Variants in TENM2 observed in about 807,000 individuals in gnomAD.
The protein encoded by TENM2 is teneurin transmembrane protein 2.
TENM2 carries 52 observed loss-of-function variants against 245.2 expected under a neutral mutation model. The observed-to-expected ratio is 0.21, with a 90% CI of 0.17 to 0.27. The LOEUF (loss-of-function observed/expected upper bound fraction) is 0.27, where lower values mean the gene tolerates loss of function less well. Ranked by LOEUF, TENM2 falls within the 10% of genes least tolerant of loss-of-function variation. The pLI, the probability that TENM2 is intolerant of heterozygous loss-of-function variation, is 1.00. For missense variants in TENM2, 3,046 were observed against 3,666.8 expected (o/e 0.83, Z 4.37); for synonymous variants, 1,363 against 1,438.9 (o/e 0.95, Z 1.19).
the TENM2 span, among the ~76,000 whole-genome samples, chr5:167,261,310 C>T: frequency 6.6e-6 from 1 of 152,092 alleles, no homozygotes; most frequent in Admixed American, 6.6e-5. Context: ...CTTGTGTGAC[C>T]TTGTATTCAT....
chr5:167,615,454 T>G (rs1777732280), intron 2 of TENM2, among the ~76,000 whole-genome samples: 1 of 152,168 alleles, frequency 6.6e-6, no homozygotes, highest in African/African-American at 2.4e-5. Flanking sequence ...TGACACTCCT[T>G]GACTCATTTG....
At chr5:168,225,245 G>T (rs1463594979) in intron 23 of TENM2, among the ~76,000 whole-genome samples, 2 of 152,162 alleles carry the variant, frequency 1.3e-5, no homozygotes, top group Non-Finnish European at 2.9e-5. Flanking sequence ...TGTGCAGGTG[G>T]CATTTGGCAC....
intron 1 of TENM2, among the ~76,000 whole-genome samples, chr5:167,372,313 C>T (rs1025634766): frequency 1.3e-5 from 2 of 152,106 alleles, no homozygotes; most frequent in African/African-American, 4.8e-5. Context: ...GCAAATCTTA[C>T]TTGATTCCTG....
the TENM2 span, among the ~76,000 whole-genome samples, chr5:167,055,861 A>T: frequency 6.6e-6 from 1 of 152,068 alleles, no homozygotes; most frequent in African/African-American, 2.4e-5. Flanking sequence ...CTGTGAAAAA[A>T]GACAGTTTTA....
the TENM2 span, among the ~76,000 whole-genome samples, chr5:166,994,310 G>T: frequency 6.6e-6 from 1 of 152,192 alleles, no homozygotes; most frequent in African/African-American, 2.4e-5. Flanking sequence ...TATTGTGGGC[G>T]ATCATCTTAG....
the TENM2 span, among the ~76,000 whole-genome samples, chr5:167,228,487 T>C: frequency 2.1e-3 from 325 of 152,204 alleles, 1 homozygote; most frequent in Non-Finnish European, 3.4e-3. Context: ...AATTATTCTG[T>C]GATTTCTTTG....
chr5:167,958,412 T>A (rs746814187), intron 4 of TENM2, among the ~76,000 whole-genome samples: 7 of 152,222 alleles, frequency 4.6e-5, no homozygotes, highest in Non-Finnish European at 7.3e-5. Context: ...AGCACACTGA[T>A]GGGTCTTGAC....
intron 16 of TENM2, among the ~76,000 whole-genome samples, chr5:168,199,356 A>G (rs1761737517): frequency 6.6e-6 from 1 of 152,262 alleles, no homozygotes; most frequent in Non-Finnish European, 1.5e-5. Flanking sequence ...TAAAAACAAC[A>G]TACATATGTG....
chr5:167,814,495 A>G (rs1583077635), intron 2 of TENM2, among the ~76,000 whole-genome samples: 1 of 151,394 alleles, frequency 6.6e-6, no homozygotes, highest in East Asian at 1.9e-4. Context: ...AAGAAAGAAA[A>G]GCAATAAGCA....
the TENM2 span, among the ~76,000 whole-genome samples, chr5:167,060,600 A>G: frequency 1.3e-5 from 2 of 151,092 alleles, no homozygotes; most frequent in Admixed American, 1.3e-4. Flanking sequence ...ATAGTGAGCC[A>G]AGATCATTCC....
At chr5:168,056,717 C>A (rs1789572233) in intron 6 of TENM2, among the ~76,000 whole-genome samples, 1 of 152,206 alleles carries the variant, frequency 6.6e-6, no homozygotes, top group African/African-American at 2.4e-5. Context: ...AACAAAGCAA[C>A]TTCCAGTCCT....
intron 12 of TENM2, 82 bp from the exon 15 acceptor site, chr5:168,162,529 T>A: frequency 6.7e-7 from 1 of 1,493,560 alleles, no homozygotes. Flanking sequence ...CCCTGCGGCC[T>A]TGCTCCCCTC....
chr5:167,559,277 G>A (rs571827679), intron 2 of TENM2, among the ~76,000 whole-genome samples: 1 of 152,280 alleles, frequency 6.6e-6, no homozygotes, highest in South Asian at 2.1e-4. Flanking sequence ...GTGTCCCCCT[G>A]CAATGTGGAT....
At chr5:167,647,287 C>CTGTT (rs1167169207) in intron 2 of TENM2, among the ~76,000 whole-genome samples, 1 of 152,144 alleles carries the variant, frequency 6.6e-6, no homozygotes, top group Non-Finnish European at 1.5e-5. Context: ...TTGACAGAGA[C>CTGTT]TGTTGAGAAC....
chr5:167,471,793 A>C (rs1005711147), intron 2 of TENM2, among the ~76,000 whole-genome samples: 1 of 152,196 alleles, frequency 6.6e-6, no homozygotes, highest in Non-Finnish European at 1.5e-5. Flanking sequence ...CTTTACGTTG[A>C]AAATCTGGAG....
At chr5:167,809,108 C>G (rs1766444149) in intron 2 of TENM2, among the ~76,000 whole-genome samples, 1 of 152,152 alleles carries the variant, frequency 6.6e-6, no homozygotes, top group Non-Finnish European at 1.5e-5. Flanking sequence ...AGGCATAAGA[C>G]ACAAAGTTAC....
chr5:167,475,140 G>A (rs2127519101), intron 2 of TENM2, among the ~76,000 whole-genome samples: 1 of 152,046 alleles, frequency 6.6e-6, no homozygotes, highest in Middle Eastern at 3.4e-3. Flanking sequence ...CTTATACTTA[G>A]GTATATATAG....
At chr5:167,607,557 C>T (rs1324652782) in intron 2 of TENM2, among the ~76,000 whole-genome samples, 2 of 152,206 alleles carry the variant, frequency 1.3e-5, no homozygotes, top group African/African-American at 4.8e-5. Flanking sequence ...TTATACTCTA[C>T]CTCACCCATC....
intron 2 of TENM2, among the ~76,000 whole-genome samples, chr5:167,608,544 T>C (rs1777219532): frequency 6.6e-6 from 1 of 152,220 alleles, no homozygotes; most frequent in African/African-American, 2.4e-5. Context: ...ATCGTTCACA[T>C]TAAATCGGGG....
Sources: allele counts gnomAD v4.1 joint callset (sites outside exome capture counted in the v4.1 genomes callset), GRCh38; gene constraint gnomAD v4.1.1; transcripts MANE v1.5; gene names NCBI Gene and HGNC (gene_info 2026-07-23, HGNC 2026-07-21).